Variants in DNTT observed in about 807,000 individuals in gnomAD.
DNTT encodes the protein DNA nucleotidylexotransferase.
DNTT carries 47 observed loss-of-function variants against 60.9 expected under a neutral mutation model. The ratio of observed to expected loss-of-function variants is 0.77; its 90% CI spans 0.61 to 0.98. The LOEUF (loss-of-function observed/expected upper bound fraction) is 0.98. Among genes scored for constraint, DNTT ranks in the 50% least tolerant of loss-of-function variants. The pLI is 0.00. For synonymous variants in DNTT, 224 were observed against 221.2 expected (o/e 1.01, Z -0.11); for missense variants, 665 against 627.5 (o/e 1.06, Z -0.64).
intron 1 of DNTT, among the ~76,000 whole-genome samples, chr10:96,316,142 T>C (rs757623644): frequency 1.6e-4 from 25 of 152,126 alleles, no homozygotes; most frequent in Non-Finnish European, 2.8e-4. Flanking sequence ...GCTCCACCCC[T>C]TCCCCCAAAG....
intron 9 of DNTT, among the ~76,000 whole-genome samples, chr10:96,335,527 A>G (rs1462997339): frequency 6.6e-6 from 1 of 152,212 alleles, no homozygotes. Flanking sequence ...CAAATCATGT[A>G]ACACCCACCA....
At position 96,327,522 on chromosome 10, in the gene DNTT, C is replaced by T. The variant is rs1252673015; in HGVS notation, c.929C>T (p.Ala310Val). The change falls in exon 7 of 11, where the codon GCC becomes GTC. Residue 310 changes from alanine to valine, a missense_variant. Coordinates refer to ENST00000371174, the MANE Select transcript of DNTT (RefSeq NM_004088.4). ...VSCVTRAEAE[A>V]VSVLVKEAVW... is the part of the protein sequence containing the mutation. ...TGTGTGACCAGGGCAGAAGCAGAGG[C>T]CGTCAGTGTGCTGGTTAAAGAGGCT... 6.2e-7 allele frequency: 1 copy of T among 1,614,116 alleles called. No individual in the cohort carries two copies. The highest frequency in any genetic ancestry group is 1.1e-5 in the South Asian group (1 of 91,076).
Position 96,318,489 on chromosome 10 carries a change from G to C in DNTT, c.341G>C (p.Gly114Ala). 6.2e-7 allele frequency: 1 copy of C among 1,613,612 alleles called. No homozygotes were observed. The highest frequency in any genetic ancestry group is 8.5e-7 in the Non-Finnish European group (1 of 1,179,706). The change falls in exon 2 of 11, where the codon GGG (glycine) becomes GCG (alanine). Residue 114 changes from glycine to alanine, a missense_variant. Transcript: ENST00000371174. ...TGGCTGATCGAATGCATAAGAGCAG[G>C]GAAACCGGTGGAAATGACAGGAAAA... ...VSWLIECIRA[G>A]KPVEMTGKHQ...
Position 96,335,936 on chromosome 10 carries a change from A to T in DNTT, c.1405A>T (p.Met469Leu). ...GCGCTATGCCACACATGAGCGGAAGATGATTCTGGATAACCATGCTTTATA... is the reference window on the plus strand; with the variant it reads ...GCGCTATGCCACACATGAGCGGAAGTTGATTCTGGATAACCATGCTTTATA... The part of the protein sequence containing the change: ...LRRYATHERK[M>L]ILDNHALYDK... The change falls in exon 10 of 11, where the codon ATG becomes TTG. Residue 469 changes from methionine to leucine, a missense_variant. Transcript: ENST00000371174. The T allele has an allele frequency of 6.2e-7, 1 of 1,614,220 alleles. No homozygotes were observed. The highest frequency in any genetic ancestry group is 8.5e-7 in the Non-Finnish European group (1 of 1,180,022).
At chr10:96,321,380 C>T (rs1844875016) in intron 4 of DNTT, among the ~76,000 whole-genome samples, 1 of 152,070 alleles carries the variant, frequency 6.6e-6, no homozygotes, top group African/African-American at 2.4e-5. Context: ...GAGCCACCCG[C>T]ATGCACAGTG....
intron 1 of DNTT, among the ~76,000 whole-genome samples, chr10:96,316,365 G>T (rs911046497): frequency 6.6e-6 from 1 of 151,928 alleles, no homozygotes; most frequent in Non-Finnish European, 1.5e-5. Context: ...AAGTAGTTCC[G>T]CAACCCTCCC....
At chr10:96,311,664 G>A (rs1844715413) in intron 1 of DNTT, among the ~76,000 whole-genome samples, 1 of 152,162 alleles carries the variant, frequency 6.6e-6, no homozygotes, top group Non-Finnish European at 1.5e-5. Context: ...TTTGGGGGGA[G>A]ACAGGGCCTT....
At position 96,314,402 on chromosome 10, in the gene DNTT, C is replaced by CTTTTTTTTTTTTTTTTT. The variant is rs869059822; in HGVS notation, c.204-3938_204-3922dup. On this transcript the variant is annotated intron_variant, in intron 1 of 10. Transcript: ENST00000371174. Reference sequence around the variant, plus strand: ...TAACATTTCCAAGGCTATCTCTTCCCTTTTTTTTTTTTTTTTTTTTTTTTT... The same window carrying CTTTTTTTTTTTTTTTTT: ...TAACATTTCCAAGGCTATCTCTTCCCTTTTTTTTTTTTTTTTTTTTTTTTTTTTTTTTTTTTTTTTTT... Among the ~76,000 whole-genome samples, 382 of 53,180 alleles carry CTTTTTTTTTTTTTTTTT rather than the reference C, an allele frequency of 7.2e-3. 86 individuals are homozygous for CTTTTTTTTTTTTTTTTT. The highest frequency in any genetic ancestry group is 9.7e-3 in the Non-Finnish European group (247 of 25,334). 34.9% of individuals were successfully genotyped at this position (53,180 alleles called of 152,430 possible). A position where few individuals can be genotyped will look rare whatever the true frequency, so the allele number is the denominator to read the frequency against.
chr10:96,314,629 G>A (rs1426737716), intron 1 of DNTT, among the ~76,000 whole-genome samples: 1 of 150,304 alleles, frequency 6.7e-6, no homozygotes, highest in Non-Finnish European at 1.5e-5. Flanking sequence ...AGCCAGGATG[G>A]TCTTGATCTC....
At chr10:96,328,599 TA>T (rs982515380) in intron 7 of DNTT, 125 bp from the exon 8 acceptor site, 41 of 863,662 alleles carry the variant, frequency 4.7e-5, no homozygotes, top group South Asian at 6.1e-5. Context: ...TTTTGTTTCT[TA>T]AAAAAAAGTC....
chr10:96,314,247 G>A (rs988979397), intron 1 of DNTT, among the ~76,000 whole-genome samples: 6 of 151,958 alleles, frequency 3.9e-5, no homozygotes, highest in Non-Finnish European at 5.9e-5. Flanking sequence ...TGCAACAAGA[G>A]GAAGTGAGCA....
chr10:96,308,999 C>A (rs1844676738), intron 1 of DNTT, among the ~76,000 whole-genome samples: 1 of 152,190 alleles, frequency 6.6e-6, no homozygotes, highest in African/African-American at 2.4e-5. Context: ...GATGGCCTGG[C>A]CTGGGCTCAG....
At chr10:96,312,525 GT>G (rs971285006) in intron 1 of DNTT, among the ~76,000 whole-genome samples, 1 of 152,140 alleles carries the variant, frequency 6.6e-6, no homozygotes, top group African/African-American at 2.4e-5. Context: ...CCTCACCAAG[GT>G]GGCAGAATGT....
intron 1 of DNTT, among the ~76,000 whole-genome samples, chr10:96,306,230 A>T (rs1218279802): frequency 6.6e-6 from 1 of 151,478 alleles, no homozygotes; most frequent in Non-Finnish European, 1.5e-5. Context: ...AGTAGCTGGG[A>T]CTACGGACAC....
intron 1 of DNTT, among the ~76,000 whole-genome samples, chr10:96,311,624 C>T (rs1400112634): frequency 1.3e-5 from 2 of 152,072 alleles, no homozygotes; most frequent in South Asian, 2.1e-4. Flanking sequence ...ATAATATATA[C>T]GTAATCTGTT....
intron 1 of DNTT, among the ~76,000 whole-genome samples, chr10:96,305,552 G>A (rs1285731637): frequency 2.0e-5 from 3 of 152,216 alleles, no homozygotes; most frequent in African/African-American, 7.2e-5. Context: ...TAAGGGGCTT[G>A]CAATGAAGGA....
At chr10:96,332,041 TA>T (rs1845012091) in intron 8 of DNTT, among the ~76,000 whole-genome samples, 1 of 152,200 alleles carries the variant, frequency 6.6e-6, no homozygotes, top group Non-Finnish European at 1.5e-5. Flanking sequence ...GGTTTGTTTT[TA>T]AAGGACTGAG....
At chr10:96,333,752 T>A (rs563187000) in intron 9 of DNTT, among the ~76,000 whole-genome samples, 2 of 152,304 alleles carry the variant, frequency 1.3e-5, no homozygotes, top group East Asian at 3.9e-4. Flanking sequence ...TTTCTGTATA[T>A]GTAGAATCTA....
intron 1 of DNTT, among the ~76,000 whole-genome samples, chr10:96,312,734 T>C (rs1160238762): frequency 6.6e-6 from 1 of 152,214 alleles, no homozygotes; most frequent in Non-Finnish European, 1.5e-5. Context: ...GAATCACCAA[T>C]GGAGCTTGTC....
Sources: gnomAD v4.1 joint callset for allele counts (sites outside exome capture counted in the v4.1 genomes callset) on GRCh38, gnomAD v4.1.1 for gene constraint, MANE v1.5 for transcripts, NCBI Gene and HGNC (gene_info 2026-07-23, HGNC 2026-07-21) for gene names.